Variants in FAM20B observed in about 807,000 individuals in gnomAD.
The protein encoded by FAM20B is glycosaminoglycan xylosylkinase.
FAM20B carries 23 observed loss-of-function variants against 43.8 expected under a neutral mutation model. That is an observed-to-expected ratio of 0.53 (90% confidence interval 0.38 to 0.74). The LOEUF is 0.74. Ranked by LOEUF, FAM20B falls within the 30% of genes least tolerant of loss-of-function variation. The probability of loss-of-function intolerance (pLI) is 0.00; values close to 1 mark genes in which losing one functional copy is unlikely to be tolerated. For missense variants in FAM20B, 440 were observed against 510.5 expected (o/e 0.86, Z 1.33); for synonymous variants, 178 against 192.4 (o/e 0.93, Z 0.62).
At chr1:179,026,322 A>T (rs1369861425) in intron 1 of FAM20B, among the ~76,000 whole-genome samples, 1 of 150,944 alleles carries the variant, frequency 6.6e-6, no homozygotes. Flanking sequence ...TTCCTGGGAG[A>T]CCCGCTCGGG....
At chr1:179,063,766 T>A (rs1248981747) in intron 4 of FAM20B, among the ~76,000 whole-genome samples, 161 bp from the exon 5 acceptor site, 2 of 152,218 alleles carry the variant, frequency 1.3e-5, no homozygotes, top group Non-Finnish European at 2.9e-5. Context: ...TGTGCTTTTT[T>A]ATTACCTATA....
At chr1:179,061,143 A>G (rs1279433518) in intron 4 of FAM20B, among the ~76,000 whole-genome samples, 1 of 149,642 alleles carries the variant, frequency 6.7e-6, no homozygotes, top group African/African-American at 2.5e-5. Context: ...CAGTGGCACA[A>G]TCTCGGCTTA....
intron 1 of FAM20B, among the ~76,000 whole-genome samples, chr1:179,039,593 G>C (rs1034723815): frequency 6.6e-6 from 1 of 152,032 alleles, no homozygotes; most frequent in Non-Finnish European, 1.5e-5. Flanking sequence ...AAAAATAATT[G>C]GCGAAGGACT....
intron 1 of FAM20B, chr1:179,035,596 C>G: frequency 1.9e-6 from 1 of 536,356 alleles, no homozygotes; most frequent in Admixed American, 2.5e-5. Context: ...CAGCGAATGG[C>G]TGCACGTAAC....
Position 179,047,512 on chromosome 1 carries a change from G to T in FAM20B, c.378-2767G>T, listed in dbSNP as rs182424125. Reference sequence around the variant, plus strand: ...TGTCAAACTCTGGCCCCCTGCTCCCGCATCATCTCCTAAACAGCCTGTGTC... The same window carrying T: ...TGTCAAACTCTGGCCCCCTGCTCCCTCATCATCTCCTAAACAGCCTGTGTC... On this transcript the variant is annotated intron_variant, in intron 2 of 7. Coordinates refer to ENST00000263733, the MANE Select transcript of FAM20B (RefSeq NM_014864.4). Among the ~76,000 whole-genome samples the T allele has an allele frequency of 1.7e-3, 253 of 152,094 alleles. 3 individuals carry two copies. The highest frequency in any genetic ancestry group is 2.9e-3 in the Non-Finnish European group (200 of 67,964).
chr1:179,022,153 G>C (rs1649614000), upstream of FAM20B, among the ~76,000 whole-genome samples: 1 of 152,160 alleles, frequency 6.6e-6, no homozygotes, highest in African/African-American at 2.4e-5. Flanking sequence ...AAAGAAAGGA[G>C]TTTTCCCTGT....
At chr1:179,070,916 C>G (rs189008171) in intron 7 of FAM20B, among the ~76,000 whole-genome samples, 7 of 152,226 alleles carry the variant, frequency 4.6e-5, no homozygotes, top group Admixed American at 6.5e-5. Flanking sequence ...GATACTGTTA[C>G]AATGGCAATT....
At chr1:179,066,577 G>A (rs1651697746) in intron 6 of FAM20B, among the ~76,000 whole-genome samples, 1 of 152,102 alleles carries the variant, frequency 6.6e-6, no homozygotes, top group Non-Finnish European at 1.5e-5. Flanking sequence ...AATGTCCCTT[G>A]TAAATGAGTA....
chr1:179,061,533 A>T (rs982428365), intron 4 of FAM20B, among the ~76,000 whole-genome samples: 1 of 152,036 alleles, frequency 6.6e-6, no homozygotes, highest in African/African-American at 2.4e-5. Context: ...CCTCCTGAGT[A>T]GCTTGGACTA....
chr1:179,023,438 A>C (rs774439890), upstream of FAM20B, among the ~76,000 whole-genome samples: 1 of 152,220 alleles, frequency 6.6e-6, no homozygotes, highest in Non-Finnish European at 1.5e-5. Flanking sequence ...ACATCGTATG[A>C]GTGGTAAAAG....
chr1:179,048,858 C>T (rs1650884562), intron 2 of FAM20B, among the ~76,000 whole-genome samples: 1 of 152,178 alleles, frequency 6.6e-6, no homozygotes, highest in African/African-American at 2.4e-5. Context: ...GATATGATTT[C>T]ACTTTATATT....
At chr1:179,065,751 A>G (rs1397567245) in intron 6 of FAM20B, among the ~76,000 whole-genome samples, 1 of 152,238 alleles carries the variant, frequency 6.6e-6, no homozygotes, top group African/African-American at 2.4e-5. Context: ...GGTGTATATC[A>G]AAATAGTTGC....
intron 7 of FAM20B, among the ~76,000 whole-genome samples, chr1:179,067,444 A>G (rs1204516683): frequency 2.6e-5 from 4 of 152,206 alleles, no homozygotes; most frequent in Admixed American, 6.5e-5. Flanking sequence ...GTCTCTATTA[A>G]TAATACAAAA....
rs757003622 is a variant in FAM20B at position 179,064,022 on chromosome 1, T to C, written c.670T>C (p.Trp224Arg). ...GDIMEGSVTL[W>R]LPDVWPLQKH... ...CATAATGGAGGGATCTGTCACACTT[T>C]GGCTTCCAGATGTGTGGCCTCTGCA... Residue 224 changes from tryptophan to arginine, a missense_variant, in exon 5 of 8, where the codon TGG (tryptophan) becomes CGG (arginine). Coordinates refer to ENST00000263733, the MANE Select transcript of FAM20B (RefSeq NM_014864.4). 6.8e-6 allele frequency: 11 copies of C among 1,613,794 alleles called. No homozygotes were observed. The highest frequency in any genetic ancestry group is 1.1e-5 in the South Asian group (1 of 91,080).
chr1:179,045,966 A>G (rs1465998402), intron 2 of FAM20B, among the ~76,000 whole-genome samples: 2 of 152,038 alleles, frequency 1.3e-5, no homozygotes, highest in Non-Finnish European at 2.9e-5. Flanking sequence ...AATGCACACT[A>G]TTTGCCAGGG....
At chr1:179,059,464 A>G (rs893997816) in intron 4 of FAM20B, among the ~76,000 whole-genome samples, 1 of 152,102 alleles carries the variant, frequency 6.6e-6, no homozygotes, top group Non-Finnish European at 1.5e-5. Flanking sequence ...GAGTCTTGCA[A>G]TCTCATCATT....
At chr1:179,058,984 G>A (rs1240718493) in intron 4 of FAM20B, among the ~76,000 whole-genome samples, 2 of 152,150 alleles carry the variant, frequency 1.3e-5, no homozygotes, top group Non-Finnish European at 2.9e-5. Flanking sequence ...ATTTAGGGAG[G>A]TGGAGCAGAG....
intron 4 of FAM20B, among the ~76,000 whole-genome samples, chr1:179,062,576 G>A (rs1333368617): frequency 7.2e-5 from 11 of 152,040 alleles, no homozygotes; most frequent in Admixed American, 6.5e-4. Flanking sequence ...CTTGAACCCG[G>A]GAGGCGGAGG....
chr1:179,027,605 A>C (rs928841978), intron 1 of FAM20B, among the ~76,000 whole-genome samples: 4 of 152,248 alleles, frequency 2.6e-5, no homozygotes, highest in Non-Finnish European at 4.4e-5. Flanking sequence ...TCAAAGGAGA[A>C]TACAAAGGCA....
Sources: allele counts gnomAD v4.1 joint callset (sites outside exome capture counted in the v4.1 genomes callset), GRCh38; gene constraint gnomAD v4.1.1; transcripts MANE v1.5; gene names NCBI Gene and HGNC (gene_info 2026-07-23, HGNC 2026-07-21).